FAM20C: variants seen among roughly 807,000 people sequenced by gnomAD.
The protein encoded by FAM20C is extracellular serine/threonine protein kinase FAM20C.
Under a neutral mutation model 51.5 loss-of-function variants are expected in FAM20C, and 40 were observed. The observed-to-expected ratio is 0.78, with a 90% CI of 0.60 to 1.01. The LOEUF (loss-of-function observed/expected upper bound fraction) is 1.01, where lower values mean the gene tolerates loss of function less well. FAM20C is among the 50% of genes least tolerant of loss of function. FAM20C has a pLI of 0.00. For missense variants in FAM20C, 861 were observed against 844.7 expected (o/e 1.02, Z -0.24); for synonymous variants, 406 against 380.6 (o/e 1.07, Z -0.78).
intron 2 of FAM20C, among the ~76,000 whole-genome samples, chr7:198,103 A>G (rs1785966933): frequency 6.6e-6 from 1 of 152,138 alleles, no homozygotes; most frequent in African/African-American, 2.4e-5. Flanking sequence ...CTCCTAGACC[A>G]TGCTGGCCAC....
intron 3 of FAM20C, among the ~76,000 whole-genome samples, chr7:244,927 T>C (rs953994629): frequency 1.3e-5 from 2 of 152,176 alleles, no homozygotes; most frequent in Admixed American, 6.5e-5. Context: ...ACACGGAGAA[T>C]TGTGGCCACA....
chr7:246,138 C>T (rs1174098826), intron 3 of FAM20C: 1 of 329,160 alleles, frequency 3.0e-6, no homozygotes, highest in Non-Finnish European at 5.7e-6. Flanking sequence ...GACCTCCGGC[C>T]TCCGTCGCAA....
intron 2 of FAM20C, among the ~76,000 whole-genome samples, chr7:206,978 G>A (rs1196185374): frequency 2.0e-5 from 1 of 50,960 alleles, no homozygotes; most frequent in Non-Finnish European, 3.7e-5. Flanking sequence ...CCCCGCACAC[G>A]TATCCACTGT....
At chr7:202,134 G>A (rs866417770) in intron 2 of FAM20C, among the ~76,000 whole-genome samples, 3 of 152,216 alleles carry the variant, frequency 2.0e-5, no homozygotes, top group East Asian at 1.9e-4. Context: ...AGGGGAGAGC[G>A]TTCCAGATGG....
intron 3 of FAM20C, among the ~76,000 whole-genome samples, chr7:223,406 A>G (rs1189241324): frequency 1.3e-5 from 2 of 152,212 alleles, no homozygotes; most frequent in African/African-American, 4.8e-5. Context: ...GAATGATCAC[A>G]GAGCCTGCCG....
chr7:223,659 G>T (rs1207218681), intron 3 of FAM20C, among the ~76,000 whole-genome samples: 1 of 152,206 alleles, frequency 6.6e-6, no homozygotes, highest in African/African-American at 2.4e-5. Context: ...TGCCTGCAGA[G>T]GGGTCAGCCT....
intron 9 of FAM20C, 104 bp from the exon 10 acceptor site, chr7:259,627 T>A: frequency 7.3e-7 from 1 of 1,375,426 alleles, no homozygotes; most frequent in South Asian, 1.5e-5. Context: ...TCTCTCTCTG[T>A]CTCTCCCCCC....
chr7:201,599 G>A (rs549495911), intron 2 of FAM20C, among the ~76,000 whole-genome samples: 27 of 152,340 alleles, frequency 1.8e-4, no homozygotes, highest in Non-Finnish European at 2.9e-4. Flanking sequence ...GTGGGTTGCC[G>A]GAGCTGTCTG....
rs964935152 is a variant in FAM20C at position 236,059 on chromosome 7, A to G, written c.864-10356A>G. ...ATACCTTCTGTCAGGGCGCCCAGGA[A>G]GAAGGAGAGGCTGCCAGGTGACCGC... On this transcript the variant is annotated intron_variant, in intron 3 of 9. Coordinates refer to ENST00000313766, the MANE Select transcript of FAM20C (RefSeq NM_020223.4). Among the ~76,000 whole-genome samples, 11 of 152,316 alleles carry G rather than the reference A, an allele frequency of 7.2e-5. No homozygotes were observed. The East Asian group carries it at 2.1e-3, about 29-fold the overall frequency.
At chr7:199,665 C>T (rs1457181403) in intron 2 of FAM20C, among the ~76,000 whole-genome samples, 1 of 152,204 alleles carries the variant, frequency 6.6e-6, no homozygotes, top group African/African-American at 2.4e-5. Flanking sequence ...GTCTACAGCA[C>T]AGCTGGTTAG....
chr7:223,653 T>A (rs1304343493), intron 3 of FAM20C, among the ~76,000 whole-genome samples: 1 of 152,154 alleles, frequency 6.6e-6, no homozygotes, highest in Admixed American at 6.5e-5. Context: ...ACCTGGTGCC[T>A]GCAGAGGGGT....
intron 3 of FAM20C, among the ~76,000 whole-genome samples, chr7:209,571 C>T (rs764407844): frequency 2.6e-4 from 39 of 152,134 alleles, no homozygotes; most frequent in Non-Finnish European, 4.6e-4. Flanking sequence ...TCACCAAAAC[C>T]GATAACACAG....
At chr7:231,336 C>T (rs898368071) in intron 3 of FAM20C, among the ~76,000 whole-genome samples, 6 of 152,118 alleles carry the variant, frequency 3.9e-5, no homozygotes, top group Non-Finnish European at 7.4e-5. Context: ...GTGAATGACA[C>T]GCATCAGTGG....
intron 3 of FAM20C, among the ~76,000 whole-genome samples, chr7:232,810 G>A (rs1238296757): frequency 7.2e-5 from 11 of 152,316 alleles, no homozygotes; most frequent in South Asian, 2.1e-4. Context: ...CGGGGCACCC[G>A]GCGTGGTGTC....
intron 9 of FAM20C, 83 bp downstream of exon 9, chr7:258,788 C>A: frequency 7.7e-7 from 1 of 1,300,490 alleles, no homozygotes; most frequent in Non-Finnish European, 1.0e-6. Context: ...CCTTCCCCAC[C>A]CCACCCCGGC....
intron 9 of FAM20C, 108 bp downstream of exon 9, chr7:258,813 G>A: frequency 9.0e-7 from 1 of 1,107,078 alleles, no homozygotes; most frequent in Non-Finnish European, 1.3e-6. Flanking sequence ...ACATGGGAGA[G>A]AAAAGGCCCC....
intron 2 of FAM20C, among the ~76,000 whole-genome samples, chr7:205,457 C>G (rs1786332457): frequency 6.6e-6 from 1 of 152,152 alleles, no homozygotes; most frequent in Non-Finnish European, 1.5e-5. Context: ...CCAGGCTGGT[C>G]TCAAACACTC....
chr7:202,937 A>G (rs1157131397), intron 2 of FAM20C, among the ~76,000 whole-genome samples: 2 of 152,196 alleles, frequency 1.3e-5, no homozygotes, highest in African/African-American at 2.4e-5. Context: ...TTTTTATTGC[A>G]CTGGGAATTG....
At chr7:208,125 AGGCAGG>A (rs753663604) in intron 2 of FAM20C, among the ~76,000 whole-genome samples, 2 of 151,860 alleles carry the variant, frequency 1.3e-5, no homozygotes, top group Non-Finnish European at 2.9e-5. Context: ...CCCCGTTCTT[AGGCAGG>A]GGCAGGGGGG....
Sources: gnomAD v4.1 joint callset for allele counts (sites outside exome capture counted in the v4.1 genomes callset) on GRCh38, gnomAD v4.1.1 for gene constraint, MANE v1.5 for transcripts, NCBI Gene and HGNC (gene_info 2026-07-23, HGNC 2026-07-21) for gene names.